FABP7: variants seen among roughly 807,000 people sequenced by gnomAD.
FABP7 encodes fatty acid binding protein 7.
A neutral mutation model predicts 14.2 loss-of-function variants in FABP7; 13 were observed. The observed-to-expected ratio is 0.91, with a 90% CI of 0.59 to 1.45. The LOEUF is 1.45. Among genes scored for constraint, FABP7 ranks in the 40% most tolerant of loss-of-function variants. FABP7 has a pLI of 0.00. For synonymous variants in FABP7, 49 were observed against 51.4 expected, an observed-to-expected ratio of 0.95 and a Z score of 0.20; for missense variants, 149 against 157.6, an observed-to-expected ratio of 0.95 and a Z score of 0.29.
chr6:122,782,242 C>T (rs1780808199), intron 3 of FABP7: 3 of 940,726 alleles, frequency 3.2e-6, no homozygotes, highest in Admixed American at 1.2e-4. Flanking sequence ...CAACAAAGTA[C>T]CACAAACTTG....
the FABP7 span, among the ~76,000 whole-genome samples, chr6:122,772,429 G>A: frequency 6.6e-6 from 1 of 152,128 alleles, no homozygotes; most frequent in African/African-American, 2.4e-5. Flanking sequence ...CATACCTGGA[G>A]ATTTATCTCC....
the FABP7 span, among the ~76,000 whole-genome samples, chr6:122,772,074 T>A: frequency 6.6e-6 from 1 of 152,216 alleles, no homozygotes; most frequent in South Asian, 2.1e-4. Context: ...AATACATAAA[T>A]GAAACCATAG....
the FABP7 span, among the ~76,000 whole-genome samples, chr6:122,757,747 A>G: frequency 2.6e-5 from 4 of 152,096 alleles, no homozygotes; most frequent in African/African-American, 4.8e-5. Flanking sequence ...ACTTGTGTGG[A>G]TTGCAGGCTT....
upstream of FABP7, among the ~76,000 whole-genome samples, chr6:122,775,152 C>T (rs1780649887): frequency 6.6e-6 from 1 of 151,934 alleles, no homozygotes; most frequent in Non-Finnish European, 1.5e-5. Context: ...AAAATAAATC[C>T]TAAAATTCAT....
At chr6:122,763,004 C>T in the FABP7 span, among the ~76,000 whole-genome samples, 5 of 152,254 alleles carry the variant, frequency 3.3e-5, no homozygotes, top group South Asian at 2.1e-4. Context: ...ATCAAGCTAC[C>T]GATGACTTTC....
intron 3 of FABP7, chr6:122,781,407 T>C: frequency 7.1e-7 from 1 of 1,415,624 alleles, no homozygotes. Context: ...TCTTTGATTG[T>C]AGAAAAAGAG....
chr6:122,754,607 A>AC, the FABP7 span, among the ~76,000 whole-genome samples: 11 of 57,412 alleles, frequency 1.9e-4, no homozygotes, highest in African/African-American at 7.6e-4. Flanking sequence ...CCATCCCCCC[A>AC]CCCCCCACCC....
upstream of FABP7, among the ~76,000 whole-genome samples, chr6:122,778,106 C>T (rs1780705844): frequency 1.3e-5 from 2 of 152,116 alleles, no homozygotes; most frequent in African/African-American, 4.8e-5. Context: ...ACCTTGGGAC[C>T]ACTTTCCCAA....
the FABP7 span, among the ~76,000 whole-genome samples, chr6:122,772,513 G>A: frequency 6.6e-6 from 1 of 152,124 alleles, no homozygotes; most frequent in African/African-American, 2.4e-5. Context: ...CACCTCCTGG[G>A]TTCAAGCAAT....
chr6:122,758,051 TTCATTGCAATGCAATAAAGCAAA>T, the FABP7 span, among the ~76,000 whole-genome samples: 1 of 151,900 alleles, frequency 6.6e-6, no homozygotes. Context: ...TGGGCTTTAC[TTCATTGCAATGCAATAAAGCAAA>T]TTAAGTAAAT....
chr6:122,778,675 C>T (rs1009462349), upstream of FABP7, among the ~76,000 whole-genome samples: 1 of 152,172 alleles, frequency 6.6e-6, no homozygotes, highest in Non-Finnish European at 1.5e-5. Flanking sequence ...CTACTTAGAA[C>T]CCTCAAGGTA....
chr6:122,782,184 C>G (rs1451230927), intron 3 of FABP7: 3 of 981,906 alleles, frequency 3.1e-6, no homozygotes, highest in Non-Finnish European at 2.4e-6. Context: ...TTCTTACTTA[C>G]TAGGAATTAT....
chr6:122,763,113 A>T, the FABP7 span, among the ~76,000 whole-genome samples: 1 of 152,114 alleles, frequency 6.6e-6, no homozygotes, highest in Non-Finnish European at 1.5e-5. Context: ...AAAGCTGGAG[A>T]TACCATGCTA....
rs757772724 is a variant in FABP7 at position 122,779,865 on chromosome 6, T to C, written c.71T>C (p.Leu24Pro). 5.1e-5 allele frequency: 83 copies of C among 1,613,282 alleles called. 1 individual carries two copies. The South Asian group carries it at 8.6e-4, about 17-fold the overall frequency. Reference protein sequence around the residue: ...SQNFDEYMKALGVGFATRQVG... With the variant: ...SQNFDEYMKAPGVGFATRQVG... The stretch of plus-strand genomic sequence containing the variant: ...AACTTTGATGAGTACATGAAGGCTC[T>C]AGGTAGGTAACAATAAGACCGGCTG... The change falls in exon 1 of 4, where the codon CTA (leucine) becomes CCA (proline). Residue 24 changes from leucine to proline, a missense_variant and splice_region_variant. Physicochemically the swap from Leu to Pro is moderately conservative, Grantham distance 98. Transcript: ENST00000368444.
the FABP7 span, among the ~76,000 whole-genome samples, chr6:122,760,533 C>G: frequency 7.3e-6 from 1 of 136,446 alleles, no homozygotes; most frequent in Non-Finnish European, 1.7e-5. Flanking sequence ...TCCATCTGCT[C>G]TTTGTTTTTT....
At chr6:122,779,679 C>G (rs1582518167), upstream of FABP7, 4 of 944,928 alleles carry the variant, frequency 4.2e-6, no homozygotes, top group East Asian at 1.0e-4. Context: ...TGCCCACCCT[C>G]TTTCCAAATA....
At chr6:122,768,385 A>C in the FABP7 span, among the ~76,000 whole-genome samples, 2,862 of 152,286 alleles carry the variant, frequency 0.019, 280 homozygotes, top group Admixed American at 0.17. Context: ...CACATGTAAA[A>C]AAGTTAATTC....
the FABP7 span, among the ~76,000 whole-genome samples, chr6:122,749,708 T>A: frequency 6.6e-6 from 1 of 152,192 alleles, no homozygotes; most frequent in African/African-American, 2.4e-5. Context: ...AAACAAATAA[T>A]GCTTTGAGTG....
chr6:122,784,059 A>T lies in FABP7; in HGVS notation c.*292A>T. 1 of 281,604 alleles carries T rather than the reference A, an allele frequency of 3.6e-6. No homozygotes were observed. The highest frequency in any genetic ancestry group is 6.4e-6 in the Non-Finnish European group (1 of 156,182). 17.4% of individuals were successfully genotyped at this position (281,604 alleles called of 1,614,324 possible). ...GGAATGTAAATCAAATTTGAATAAAAATCTTACACGTGAAATTTTGTTGTT... is the reference window on the plus strand; with the variant it reads ...GGAATGTAAATCAAATTTGAATAAATATCTTACACGTGAAATTTTGTTGTT... On this transcript the variant is annotated 3_prime_UTR_variant, in exon 4 of 4. Transcript: ENST00000368444.
Sources: allele counts gnomAD v4.1 joint callset (sites outside exome capture counted in the v4.1 genomes callset), GRCh38; gene constraint gnomAD v4.1.1; transcripts MANE v1.5; gene names NCBI Gene and HGNC (gene_info 2026-07-23, HGNC 2026-07-21).